Variants in MAPK4 observed in about 807,000 individuals in gnomAD.
The protein encoded by MAPK4 is Erk3-related.
A neutral mutation model predicts 47.7 loss-of-function variants in MAPK4; 22 were observed. The ratio of observed to expected loss-of-function variants is 0.46; its 90% CI spans 0.33 to 0.66. MAPK4 has a LOEUF of 0.66. Ranked by LOEUF, MAPK4 falls within the 30% of genes least tolerant of loss-of-function variation. The pLI is 0.02. For synonymous variants in MAPK4, 390 were observed against 365.7 expected (o/e 1.07, Z -0.76); for missense variants, 736 against 831.7 (o/e 0.88, Z 1.42).
At position 50,663,773 on chromosome 18, in the gene MAPK4, G is replaced by GTGGT; in HGVS notation, c.-186_-185insTGGT. 1.8e-5 allele frequency: 10 copies of GTGGT among 570,532 alleles called. No homozygotes were observed. Among genetic ancestry groups the GTGGT allele is most frequent in the Admixed American group, 9.2e-5 (3 of 32,584 alleles). The allele number at this position is 570,532 out of a possible 1,614,324, so 35.3% of individuals were successfully genotyped here. On this transcript the variant is annotated 5_prime_UTR_variant, in exon 2 of 6. Transcript: ENST00000400384. Reference sequence around the variant, plus strand: ...CTGCGCCCCCAACTAGCACAGCTCAGCGAGCATGACCATATGCCATTCTCG... The same window carrying GTGGT: ...CTGCGCCCCCAACTAGCACAGCTCAGTGGTCGAGCATGACCATATGCCATTCTCG...
At chr18:50,584,542 G>T (rs944529936) in intron 1 of MAPK4, among the ~76,000 whole-genome samples, 1 of 152,230 alleles carries the variant, frequency 6.6e-6, no homozygotes, top group African/African-American at 2.4e-5. Context: ...CATGATGTAT[G>T]AATTGTGTAT....
chr18:50,725,999 C>T lies in MAPK4; in HGVS notation c.891C>T (p.Pro297=). 1 of 1,614,200 alleles carries T rather than the reference C, an allele frequency of 6.2e-7. No homozygotes were observed. The highest frequency in any genetic ancestry group is 8.5e-7 in the Non-Finnish European group (1 of 1,180,042). ...TGGAGAAGATCCTGACCTTTAACCC[C>T]ATGGATCGCCTAACAGCTGAGATGG... is the stretch of plus-strand genomic sequence containing the variant. ...DFLEKILTFN[P]MDRLTAEMGL... is the part of the protein sequence containing the mutation. The change falls in exon 5 of 6, where the codon CCC becomes CCT. Residue 297 remains proline, a synonymous_variant. Transcript: ENST00000400384.
chr18:50,652,841 G>A (rs2043065239), intron 1 of MAPK4, among the ~76,000 whole-genome samples: 1 of 152,122 alleles, frequency 6.6e-6, no homozygotes, highest in South Asian at 2.1e-4. Context: ...GGAGACATCA[G>A]GGAAGGCTTC....
intron 1 of MAPK4, among the ~76,000 whole-genome samples, chr18:50,578,337 A>G (rs1293491739): frequency 1.3e-5 from 2 of 152,230 alleles, no homozygotes; most frequent in African/African-American, 4.8e-5. Context: ...GTGCATCTGA[A>G]TCACCTGGAA....
intron 2 of MAPK4, among the ~76,000 whole-genome samples, chr18:50,688,668 T>G (rs1909024391): frequency 6.6e-6 from 1 of 151,652 alleles, no homozygotes; most frequent in South Asian, 2.1e-4. Context: ...TTCTCACTCA[T>G]AAGTTGGAGC....
intron 2 of MAPK4, chr18:50,669,703 A>G (rs752748666): frequency 6.6e-6 from 1 of 152,288 alleles, no homozygotes; most frequent in Non-Finnish European, 1.5e-5. Flanking sequence ...TGCCGGGTCT[A>G]TCGTTCTTGC....
chr18:50,595,361 G>A lies in MAPK4; in HGVS notation c.-871+35118G>A, dbSNP rs77325241. ...ATTTTGAAAAATGGAATAATACTCA[G>A]CAATACAAAGGATTAAAAACCCAAG... On this transcript the variant is annotated intron_variant, in intron 1 of 5. Coordinates refer to ENST00000400384, the MANE Select transcript of MAPK4 (RefSeq NM_002747.4). Among the ~76,000 whole-genome samples the A allele has an allele frequency of 5.6e-3, 858 of 152,210 alleles. 10 individuals carry two copies. The highest frequency in any genetic ancestry group is 0.019 in the African/African-American group (805 of 41,514).
At chr18:50,659,798 T>C (rs139978293) in intron 1 of MAPK4, among the ~76,000 whole-genome samples, 1 of 152,216 alleles carries the variant, frequency 6.6e-6, no homozygotes, top group African/African-American at 2.4e-5. Context: ...TCAAGCACGA[T>C]TGAACGAGTG....
chr18:50,602,196 A>G (rs1485049057), intron 1 of MAPK4, among the ~76,000 whole-genome samples: 1 of 152,218 alleles, frequency 6.6e-6, no homozygotes, highest in Non-Finnish European at 1.5e-5. Context: ...CACCATGCAT[A>G]TTAGCAAGTA....
chr18:50,615,248 G>T (rs1285045491), intron 1 of MAPK4, among the ~76,000 whole-genome samples: 1 of 152,106 alleles, frequency 6.6e-6, no homozygotes, highest in African/African-American at 2.4e-5. Context: ...CAGTGCACAT[G>T]CCCTCTTCTG....
chr18:50,559,835 G>A (rs1173061763), upstream of MAPK4, among the ~76,000 whole-genome samples: 2 of 151,650 alleles, frequency 1.3e-5, no homozygotes, highest in Non-Finnish European at 3.0e-5. Flanking sequence ...ACGGGGCTCG[G>A]CTCCCCAGGT....
intron 3 of MAPK4, among the ~76,000 whole-genome samples, chr18:50,718,990 A>G (rs547034090): frequency 6.8e-5 from 10 of 147,898 alleles, no homozygotes; most frequent in African/African-American, 2.0e-4. Flanking sequence ...AGGCTAAGAC[A>G]GGGGAATTGC....
At position 50,722,045 on chromosome 18, in the gene MAPK4, A is replaced by G. The variant is rs1278052081; in HGVS notation, c.799A>G (p.Thr267Ala). The change falls in exon 4 of 6, where the codon ACC becomes GCC. Residue 267 changes from threonine to alanine, a missense_variant. This residue lies in a region of MAPK4 where 327 missense variants were observed against 395.4 expected (regional missense o/e 0.83). Transcript: ENST00000400384. Reference sequence around the variant, plus strand: ...GGTGATGCCTTCCTTTGTCAGCAGCACCTGGGAGGTGAAGAGGCCTCTGCG... The same window carrying G: ...GGTGATGCCTTCCTTTGTCAGCAGCGCCTGGGAGGTGAAGAGGCCTCTGCG... ...LRVMPSFVSS[T>A]WEVKRPLRKL... is the part of the protein sequence containing the mutation. The G allele has an allele frequency of 3.1e-6, 5 of 1,613,734 alleles. No homozygotes were observed. The highest frequency in any genetic ancestry group is 4.2e-6 in the Non-Finnish European group (5 of 1,179,848).
intron 1 of MAPK4, among the ~76,000 whole-genome samples, chr18:50,567,122 G>A (rs2042205634): frequency 6.6e-6 from 1 of 150,948 alleles, no homozygotes; most frequent in Non-Finnish European, 1.5e-5. Context: ...TTAAGTTCTG[G>A]GATACATGTG....
chr18:50,719,828 G>A (rs938575864), intron 3 of MAPK4, among the ~76,000 whole-genome samples: 2 of 152,202 alleles, frequency 1.3e-5, no homozygotes, highest in African/African-American at 4.8e-5. Context: ...CTGTGGTCAC[G>A]AGATGGTCGC....
chr18:50,729,993 G>A lies in MAPK4; in HGVS notation c.*139G>A, dbSNP rs1464663450. ...CACGTGAAGGATCCGAGGAGCGAGA[G>A]GAATGTCCATTTCTTAAACTGCCTT... On this transcript the variant is annotated 3_prime_UTR_variant, in exon 6 of 6. Coordinates refer to ENST00000400384, the MANE Select transcript of MAPK4 (RefSeq NM_002747.4). 2 of 880,830 alleles carry A rather than the reference G, an allele frequency of 2.3e-6. No homozygotes were observed. Among genetic ancestry groups the A allele is most frequent in the African/African-American group, 3.4e-5 (2 of 59,210 alleles). The allele number at this position is 880,830 out of a possible 1,614,324, so 54.6% of individuals were successfully genotyped here. A position where few individuals can be genotyped will look rare whatever the true frequency, so the allele number is the denominator to read the frequency against.
At position 50,614,965 on chromosome 18, in the gene MAPK4, T is replaced by G. The variant is rs569292355; in HGVS notation, c.-870-48124T>G. 8.5e-5 allele frequency among the ~76,000 whole-genome samples: 13 copies of G among 152,360 alleles called. No homozygotes were observed. The East Asian group carries it at 2.5e-3, about 29-fold the overall frequency. ...GCTGGCACTGCTCAGATTCTCCCTG[T>G]ACTCTGCGTCTGTCTCTGATGTTGG... On this transcript the variant is annotated intron_variant, in intron 1 of 5. Transcript: ENST00000400384.
At chr18:50,728,343 G>T (rs566633155) in intron 5 of MAPK4, among the ~76,000 whole-genome samples, 53 of 152,336 alleles carry the variant, frequency 3.5e-4, no homozygotes, top group African/African-American at 1.2e-3. Flanking sequence ...CAGAGCAGTC[G>T]AACGGGGCAG....
rs1376072856 is a variant in MAPK4 at position 50,704,706 on chromosome 18, G to A, written c.547-10373G>A. On this transcript the variant is annotated intron_variant, in intron 2 of 5. Coordinates refer to ENST00000400384, the MANE Select transcript of MAPK4 (RefSeq NM_002747.4). Reference sequence around the variant, plus strand: ...GGCTGGAATCGGAGGGAACTTTGGGGCCTGGAGGCCTAATGGAGGACTCTG... The same window carrying A: ...GGCTGGAATCGGAGGGAACTTTGGGACCTGGAGGCCTAATGGAGGACTCTG... 1.8e-5 allele frequency: 7 copies of A among 398,590 alleles called. No individual in the cohort carries two copies. In the East Asian group the frequency reaches 2.1e-4, roughly 12 times the overall value. The allele number at this position is 398,590 out of a possible 1,614,324, so 24.7% of individuals were successfully genotyped here.
Sources: gnomAD v4.1 joint callset for allele counts (sites outside exome capture counted in the v4.1 genomes callset) on GRCh38, gnomAD v4.1.1 for gene constraint, gnomAD v4.1.1 regional missense constraint, MANE v1.5 for transcripts, NCBI Gene and HGNC (gene_info 2026-07-23, HGNC 2026-07-21) for gene names.